Variants in AQP5 observed in about 807,000 individuals in gnomAD.
The protein encoded by AQP5 is aquaporin-5.
Under a neutral mutation model 19.1 loss-of-function variants are expected in AQP5, and 15 were observed. The ratio of observed to expected loss-of-function variants is 0.79; its 90% CI spans 0.53 to 1.21. The LOEUF (loss-of-function observed/expected upper bound fraction) is 1.21. Among genes scored for constraint, AQP5 ranks in the 50% most tolerant of loss-of-function variants. The pLI is 0.00. For missense variants in AQP5, 355 were observed against 357.1 expected, an observed-to-expected ratio of 0.99 and a Z score of 0.05; for synonymous variants, 182 against 160.3, an observed-to-expected ratio of 1.14 and a Z score of -1.02.
Position 49,962,358 on chromosome 12 carries a change from G to C in AQP5, c.341G>C (p.Arg114Pro). Residue 114 changes from arginine to proline, a missense_variant, in exon 1 of 4, where the codon CGG (arginine) becomes CCG (proline). Coordinates refer to ENST00000293599, the MANE Select transcript of AQP5 (RefSeq NM_001651.4). ...TACGGTGTGGCACCGCTCAATGCCCGGGGCAATCTGGCCGTCAACGCGGTG... is the reference window on the plus strand; with the variant it reads ...TACGGTGTGGCACCGCTCAATGCCCCGGGCAATCTGGCCGTCAACGCGGTG... ...ILYGVAPLNA[R>P]GNLAVNALNN... 1 of 1,596,438 alleles carries C rather than the reference G, an allele frequency of 6.3e-7. No individual in the cohort carries two copies.
chr12:49,963,171 C>T (rs1353291686), intron 1 of AQP5, among the ~76,000 whole-genome samples: 1 of 152,222 alleles, frequency 6.6e-6, no homozygotes, highest in Non-Finnish European at 1.5e-5. Flanking sequence ...GGCAGGCAAA[C>T]CGGGCAGCTG....
In AQP5 at chr12:49,962,183, C is replaced by T; in HGVS notation, c.166C>T (p.Leu56=). 6.2e-7 allele frequency: 1 copy of T among 1,610,124 alleles called. No individual in the cohort carries two copies. Among genetic ancestry groups the T allele is most frequent in the Non-Finnish European group, 8.5e-7 (1 of 1,179,792 alleles). Residue 56 remains leucine (L), a synonymous_variant, in exon 1 of 4, where the codon CTG becomes TTG. Coordinates refer to ENST00000293599, the MANE Select transcript of AQP5 (RefSeq NM_001651.4). The stretch of plus-strand genomic sequence containing the variant: ...GGCGTTTGGCCTGGCCATAGGCACG[C>T]TGGCCCAGGCCCTGGGACCCGTGAG... ...ALAFGLAIGT[L]AQALGPVSGG...
chr12:49,963,669 G>A lies in AQP5; in HGVS notation c.528+13G>A, dbSNP rs367984015. 9.9e-5 allele frequency: 160 copies of A among 1,609,830 alleles called. No homozygotes were observed. Among genetic ancestry groups the A allele is most frequent in the African/African-American group, 1.7e-4 (13 of 74,898 alleles). ...CCACCTTGTCGGAGTGAGCAGTACC[G>A]ACATTGGGCTGGGGTGAGGGTGGGG... is the stretch of plus-strand genomic sequence containing the variant. On this transcript the variant is annotated intron_variant, in intron 2 of 3. Coordinates refer to ENST00000293599, the MANE Select transcript of AQP5 (RefSeq NM_001651.4).
intron 3 of AQP5, chr12:49,964,658 G>A (rs1021605377): frequency 2.9e-5 from 29 of 985,254 alleles, no homozygotes; most frequent in South Asian, 1.9e-4. Flanking sequence ...GAGGGGACAC[G>A]CGCTCTGTTC....
At chr12:49,963,803 G>A in intron 2 of AQP5, 147 bp downstream of exon 2, 2 of 1,193,942 alleles carry the variant, frequency 1.7e-6, no homozygotes, top group Non-Finnish European at 1.1e-6. Context: ...TGGCCCTACT[G>A]GGCCCCAGAA....
chr12:49,965,219 G>A lies in AQP5; in HGVS notation c.*42G>A. 1.3e-6 allele frequency: 2 copies of A among 1,529,052 alleles called. No individual in the cohort carries two copies. The highest frequency in any genetic ancestry group is 1.8e-6 in the Non-Finnish European group (2 of 1,142,462). 94.7% of individuals were successfully genotyped at this position (1,529,052 alleles called of 1,614,324 possible). A position where few individuals can be genotyped will look rare whatever the true frequency, so the allele number is the denominator to read the frequency against. ...GCCAGCCCCTCAGCCCCTGAGCCAA[G>A]GGGGAAAAGAAGAAAAAGTACCTAA... On this transcript the variant is annotated 3_prime_UTR_variant, in exon 4 of 4. Coordinates refer to ENST00000293599, the MANE Select transcript of AQP5 (RefSeq NM_001651.4).
chr12:49,962,004 C>A lies in AQP5; in HGVS notation c.-14C>A. 1 of 1,370,778 alleles carries A rather than the reference C, an allele frequency of 7.3e-7. No individual in the cohort carries two copies. The highest frequency in any genetic ancestry group is 9.5e-7 in the Non-Finnish European group (1 of 1,055,170). The allele number at this position is 1,370,778 out of a possible 1,614,324, so 84.9% of individuals were successfully genotyped here. A position where few individuals can be genotyped will look rare whatever the true frequency, so the allele number is the denominator to read the frequency against. Reference sequence around the variant, plus strand: ...CCCCGCCGCGGCAGCTGCCGCCGGGCCCCCGCGGCCACCATGAAGAAGGAG... The same window carrying A: ...CCCCGCCGCGGCAGCTGCCGCCGGGACCCCGCGGCCACCATGAAGAAGGAG... On this transcript the variant is annotated 5_prime_UTR_variant, in exon 1 of 4. Transcript: ENST00000293599.
rs199766582 is a variant in AQP5 at position 49,962,371 on chromosome 12, C to G, written c.354C>G (p.Ala118=). ...CGCTCAATGCCCGGGGCAATCTGGC[C>G]GTCAACGCGGTGAGTGCCCTGGGGG... ...VAPLNARGNL[A]VNALNNNTTQ... The change falls in exon 1 of 4, where the codon GCC becomes GCG. Residue 118 remains alanine (A), a synonymous_variant. Transcript: ENST00000293599. 5 of 1,571,854 alleles carry G rather than the reference C, an allele frequency of 3.2e-6. No individual in the cohort carries two copies. In the South Asian group the frequency reaches 4.5e-5, roughly 14 times the overall value.
rs765057187 is a variant in AQP5, at chr12:49,963,482, C to T, written c.364-10C>T. The T allele has an allele frequency of 1.5e-5, 24 of 1,613,252 alleles. No individual in the cohort carries two copies. The highest frequency in any genetic ancestry group is 2.0e-5 in the Non-Finnish European group (24 of 1,179,770). ...GGTGGCCGGGGTCCTAACCCGCTAT[C>T]CCCTTGCAGCTCAACAACAACACAA... On this transcript the variant is annotated splice_polypyrimidine_tract_variant and intron_variant, in intron 1 of 3. Coordinates refer to ENST00000293599, the MANE Select transcript of AQP5 (RefSeq NM_001651.4).
In AQP5 at chr12:49,962,001, G is replaced by T. The variant is rs1350122254; in HGVS notation, c.-17G>T. On this transcript the variant is annotated 5_prime_UTR_variant, in exon 1 of 4. Transcript: ENST00000293599. ...GCCCCCCGCCGCGGCAGCTGCCGCC[G>T]GGCCCCCGCGGCCACCATGAAGAAG... The T allele has an allele frequency of 3.7e-6, 5 of 1,356,024 alleles. No individual in the cohort carries two copies. The African/African-American group carries it at 7.5e-5, about 20-fold the overall frequency. 84.0% of individuals were successfully genotyped at this position (1,356,024 alleles called of 1,614,324 possible).
In AQP5 at chr12:49,961,937, G is replaced by C. The variant is rs1398556425; in HGVS notation, c.-81G>C. 3.2e-6 allele frequency: 3 copies of C among 944,428 alleles called. No homozygotes were observed. The highest frequency in any genetic ancestry group is 4.1e-6 in the Non-Finnish European group (3 of 734,942). The allele number at this position is 944,428 out of a possible 1,614,324, so 58.5% of individuals were successfully genotyped here. ...GCCCCGCAGCCAGGCCCCCGCCCCC[G>C]CCGCATCCACCTCCTCCGCCGCCTG... On this transcript the variant is annotated 5_prime_UTR_variant, in exon 1 of 4. Transcript: ENST00000293599.
In AQP5 at chr12:49,964,139, T is replaced by C. The variant is rs763079535; in HGVS notation, c.576T>C (p.Pro192=). The C allele has an allele frequency of 4.3e-6, 7 of 1,614,198 alleles. No individual in the cohort carries two copies. The highest frequency in any genetic ancestry group is 5.9e-6 in the Non-Finnish European group (7 of 1,180,024). Residue 192 remains proline (P), a synonymous_variant, in exon 3 of 4, where the codon CCT becomes CCC. Coordinates refer to ENST00000293599, the MANE Select transcript of AQP5 (RefSeq NM_001651.4). ...CSMNPARSFG[P]AVVMNRFSPA... is the part of the protein sequence containing the mutation. The stretch of plus-strand genomic sequence containing the variant: ...TGAACCCAGCCCGCTCTTTTGGCCC[T>C]GCGGTGGTCATGAATCGGTTCAGCC...
intron 3 of AQP5, chr12:49,964,505 T>C (rs1947466294): frequency 2.5e-6 from 1 of 394,170 alleles, no homozygotes; most frequent in Non-Finnish European, 3.4e-6. Context: ...TGCGTGCTGG[T>C]CCTCTCTGAT....
In AQP5 at chr12:49,963,603, G is replaced by C. The variant is rs1210705708; in HGVS notation, c.475G>C (p.Gly159Arg). The C allele has an allele frequency of 6.2e-7, 1 of 1,613,858 alleles. No individual in the cohort carries two copies. Among genetic ancestry groups the C allele is most frequent in the Non-Finnish European group, 8.5e-7 (1 of 1,180,006 alleles). ...TGACTCCCGCCGCACCAGCCCTGTG[G>C]GCTCCCCAGCCCTGTCCATTGGCCT... ...STDSRRTSPV[G>R]SPALSIGLSV... Residue 159 changes from glycine (G) to arginine (R), a missense_variant, in exon 2 of 4, where the codon GGC becomes CGC. By Grantham distance (125) the Gly-to-Arg change is moderately radical (BLOSUM62 -2). Coordinates refer to ENST00000293599, the MANE Select transcript of AQP5 (RefSeq NM_001651.4).
chr12:49,963,217 G>C (rs1029668726), intron 1 of AQP5, among the ~76,000 whole-genome samples: 3 of 152,252 alleles, frequency 2.0e-5, no homozygotes, highest in Non-Finnish European at 4.4e-5. Flanking sequence ...GCTTATGGGG[G>C]CTGGGGGTTG....
Position 49,963,577 on chromosome 12 carries a change from C to T in AQP5, c.449C>T (p.Thr150Ile). Residue 150 changes from threonine (T) to isoleucine (I), a missense_variant, in exon 2 of 4, where the codon ACT (threonine) becomes ATT (isoleucine). Coordinates refer to ENST00000293599, the MANE Select transcript of AQP5 (RefSeq NM_001651.4). ...CTGGCACTCTGCATCTTCGCCTCCACTGACTCCCGCCGCACCAGCCCTGTG... is the reference window on the plus strand; with the variant it reads ...CTGGCACTCTGCATCTTCGCCTCCATTGACTCCCGCCGCACCAGCCCTGTG... ...FQLALCIFAS[T>I]DSRRTSPVGS... The T allele has an allele frequency of 2.5e-6, 4 of 1,613,714 alleles. No homozygotes were observed. Among genetic ancestry groups the T allele is most frequent in the Non-Finnish European group, 2.5e-6 (3 of 1,180,038 alleles).
rs994106253 is a variant in AQP5, at chr12:49,963,845, A to G, written c.528+189A>G. The G allele has an allele frequency of 1.7e-5, 15 of 907,910 alleles. No individual in the cohort carries two copies. In the Admixed American group the frequency reaches 3.4e-4, roughly 21 times the overall value. The allele number at this position is 907,910 out of a possible 1,614,324, so 56.2% of individuals were successfully genotyped here. Reference sequence around the variant, plus strand: ...CCCCCAAAACCTCTGGGCTGAGGAAAGATGGGAGTAAGTAGGAGGTGGGAT... The same window carrying G: ...CCCCCAAAACCTCTGGGCTGAGGAAGGATGGGAGTAAGTAGGAGGTGGGAT... On this transcript the variant is annotated intron_variant, in intron 2 of 3. Coordinates refer to ENST00000293599, the MANE Select transcript of AQP5 (RefSeq NM_001651.4).
Position 49,962,338 on chromosome 12 carries a change from T to C in AQP5, c.321T>C (p.Gly107=), listed in dbSNP as rs773717180. ...GAIAGAGILY[G]VAPLNARGNL... ...TTGCCGGGGCTGGCATCCTCTACGG[T>C]GTGGCACCGCTCAATGCCCGGGGCA... is the stretch of plus-strand genomic sequence containing the variant. Residue 107 remains glycine, a synonymous_variant, in exon 1 of 4, where the codon GGT becomes GGC. Coordinates refer to ENST00000293599, the MANE Select transcript of AQP5 (RefSeq NM_001651.4). 6.2e-7 allele frequency: 1 copy of C among 1,600,990 alleles called. No homozygotes were observed. Among genetic ancestry groups the C allele is most frequent in the South Asian group, 1.1e-5 (1 of 90,862 alleles).
In AQP5 at chr12:49,962,062, C is replaced by A. The variant is rs745767685; in HGVS notation, c.45C>A (p.Phe15Leu). 6.2e-6 allele frequency: 10 copies of A among 1,608,280 alleles called. No individual in the cohort carries two copies. In the African/African-American group the frequency reaches 9.4e-5, roughly 15 times the overall value. Reference protein sequence around the residue: ...VCSVAFLKAVFAEFLATLIFV... With the variant: ...VCSVAFLKAVLAEFLATLIFV... ...CCGTGGCCTTCCTCAAGGCCGTGTT[C>A]GCAGAGTTCTTGGCCACCCTCATCT... Residue 15 changes from phenylalanine to leucine, a missense_variant, in exon 1 of 4, where the codon TTC becomes TTA. Phe to Leu is a conservative substitution (Grantham distance 22, BLOSUM62 0). Coordinates refer to ENST00000293599, the MANE Select transcript of AQP5 (RefSeq NM_001651.4).
Sources: allele counts gnomAD v4.1 joint callset (sites outside exome capture counted in the v4.1 genomes callset), GRCh38; gene constraint gnomAD v4.1.1; transcripts MANE v1.5; gene names NCBI Gene and HGNC (gene_info 2026-07-23, HGNC 2026-07-21).